MAPKAPK2: variants seen among roughly 807,000 people sequenced by gnomAD.
MAPKAPK2 encodes the protein MAPK activated protein kinase 2.
MAPKAPK2 carries 9 observed loss-of-function variants against 48.8 expected under a neutral mutation model. The observed-to-expected ratio is 0.18, with a 90% CI of 0.11 to 0.32. The LOEUF is 0.32. Among genes scored for constraint, MAPKAPK2 ranks in the 10% least tolerant of loss-of-function variants. MAPKAPK2 has a pLI of 1.00. For missense variants in MAPKAPK2, 331 were observed against 498.3 expected (o/e 0.66, Z 3.20); for synonymous variants, 202 against 190.6 (o/e 1.06, Z -0.49).
intron 1 of MAPKAPK2, among the ~76,000 whole-genome samples, chr1:206,687,848 A>G (rs1407268500): frequency 6.6e-6 from 1 of 152,306 alleles, no homozygotes; most frequent in Non-Finnish European, 1.5e-5. Flanking sequence ...CCTCTATTCT[A>G]CAGTGTGCCG....
intron 1 of MAPKAPK2, among the ~76,000 whole-genome samples, chr1:206,686,172 C>G (rs1672283211): frequency 6.6e-6 from 1 of 152,088 alleles, no homozygotes; most frequent in Non-Finnish European, 1.5e-5. Flanking sequence ...CACGCCCGCG[C>G]GGGGCGGCTC....
chr1:206,701,702 C>T (rs190811621), intron 1 of MAPKAPK2, among the ~76,000 whole-genome samples: 208 of 151,680 alleles, frequency 1.4e-3, no homozygotes, highest in Non-Finnish European at 2.4e-3. Flanking sequence ...GGCGTGGTGG[C>T]GTACACACAT....
At chr1:206,711,886 G>A (rs1293840086) in intron 1 of MAPKAPK2, among the ~76,000 whole-genome samples, 3 of 152,182 alleles carry the variant, frequency 2.0e-5, no homozygotes, top group African/African-American at 7.2e-5. Flanking sequence ...GCCTCTCAAA[G>A]TGCTGGGATT....
At chr1:206,707,387 A>C (rs1405326348) in intron 1 of MAPKAPK2, among the ~76,000 whole-genome samples, 1 of 151,790 alleles carries the variant, frequency 6.6e-6, no homozygotes, top group Non-Finnish European at 1.5e-5. Context: ...AGAAACATAC[A>C]TCTCTCCCTC....
intron 3 of MAPKAPK2, 87 bp from the exon 4 acceptor site, chr1:206,729,309 A>T (rs1673819147): frequency 8.3e-7 from 1 of 1,206,396 alleles, no homozygotes; most frequent in Non-Finnish European, 1.2e-6. Context: ...GGCTGCACAG[A>T]GGTGGGACCC....
At chr1:206,705,115 C>T (rs944331469) in intron 1 of MAPKAPK2, among the ~76,000 whole-genome samples, 6 of 152,156 alleles carry the variant, frequency 3.9e-5, no homozygotes, top group African/African-American at 4.8e-5. Context: ...GCAACAGCCC[C>T]CCTTCTCTGG....
chr1:206,726,099 T>C (rs761623960), intron 1 of MAPKAPK2, among the ~76,000 whole-genome samples: 1 of 152,214 alleles, frequency 6.6e-6, no homozygotes, highest in Non-Finnish European at 1.5e-5. Context: ...ATGAATGAAG[T>C]TGAAGGCTGG....
At chr1:206,728,684 T>C in intron 1 of MAPKAPK2, 26 bp from the exon 2 acceptor site, 1 of 1,608,380 alleles carries the variant, frequency 6.2e-7, no homozygotes, top group Non-Finnish European at 8.5e-7. Flanking sequence ...ACAGCGCAGT[T>C]ACTCAGAAAG....
chr1:206,723,868 C>T (rs1461850083), intron 1 of MAPKAPK2, among the ~76,000 whole-genome samples: 3 of 152,262 alleles, frequency 2.0e-5, no homozygotes, highest in Non-Finnish European at 4.4e-5. Context: ...CCAGGCAATG[C>T]GCTCTGTGGC....
In MAPKAPK2 at chr1:206,703,395, A is replaced by G. The variant is rs140596775; in HGVS notation, c.279+17887A>G. On this transcript the variant is annotated intron_variant, in intron 1 of 9. Coordinates refer to ENST00000367103, the MANE Select transcript of MAPKAPK2 (RefSeq NM_032960.4). ...GCCTTGAGAAGAGTTCAGGGGAAAG[A>G]GGCCTGGGTGGCGTATTGGCAGGAG... is the stretch of plus-strand genomic sequence containing the variant. 1.4e-4 allele frequency among the ~76,000 whole-genome samples: 22 copies of G among 152,352 alleles called. 1 individual carries two copies. In the East Asian group the frequency reaches 4.2e-3, roughly 29 times the overall value.
chr1:206,692,326 AT>A (rs1321805093), intron 1 of MAPKAPK2, among the ~76,000 whole-genome samples: 2 of 152,188 alleles, frequency 1.3e-5, no homozygotes, highest in East Asian at 3.8e-4. Flanking sequence ...GGAAATTAGG[AT>A]TTACATTCAG....
chr1:206,720,051 C>A (rs530902069), intron 1 of MAPKAPK2, among the ~76,000 whole-genome samples: 2 of 152,268 alleles, frequency 1.3e-5, no homozygotes, highest in African/African-American at 4.8e-5. Context: ...GTGATCCATT[C>A]TGTTAGGATG....
intron 1 of MAPKAPK2, among the ~76,000 whole-genome samples, chr1:206,696,519 A>G (rs1672629440): frequency 2.0e-5 from 3 of 152,168 alleles, no homozygotes. Context: ...CCTGGGCAAC[A>G]TAACAAGACC....
Position 206,685,417 on chromosome 1 carries a change from A to G in MAPKAPK2, c.188A>G (p.Tyr63Cys). The G allele has an allele frequency of 1.3e-6, 2 of 1,545,780 alleles. No individual in the cohort carries two copies. Among genetic ancestry groups the G allele is most frequent in the Non-Finnish European group, 1.8e-6 (2 of 1,141,330 alleles). The change falls in exon 1 of 10, where the codon TAC becomes TGC. Residue 63 changes from tyrosine to cysteine, a missense_variant. Physicochemically the swap from Tyr to Cys is radical, Grantham distance 194. This residue lies in a region of MAPKAPK2 where 93 missense variants were observed against 81.0 expected (regional missense o/e 1.15). Coordinates refer to ENST00000367103, the MANE Select transcript of MAPKAPK2 (RefSeq NM_032960.4). ...QIKKNAIIDD[Y>C]KVTSQVLGLG... ...AAGAAGAACGCCATCATCGATGACT[A>G]CAAGGTCACCAGCCAGGTCCTGGGG... is the stretch of plus-strand genomic sequence containing the variant.
chr1:206,721,297 C>T (rs1327184859), intron 1 of MAPKAPK2, among the ~76,000 whole-genome samples: 1 of 152,172 alleles, frequency 6.6e-6, no homozygotes, highest in Non-Finnish European at 1.5e-5. Flanking sequence ...CAAGCTTGTA[C>T]CAGCTGCAGA....
At chr1:206,693,785 G>C (rs1363839481) in intron 1 of MAPKAPK2, among the ~76,000 whole-genome samples, 1 of 152,158 alleles carries the variant, frequency 6.6e-6, no homozygotes, top group African/African-American at 2.4e-5. Flanking sequence ...CTCCACCTCC[G>C]CAGTGTGAGG....
chr1:206,721,225 C>G (rs1215423398), intron 1 of MAPKAPK2, among the ~76,000 whole-genome samples: 6 of 152,164 alleles, frequency 3.9e-5, no homozygotes, highest in African/African-American at 1.4e-4. Context: ...TCCCTGCTCC[C>G]CCTTCACCTT....
rs1553425270 is a variant in MAPKAPK2 at position 206,685,160 on chromosome 1, A to G, written c.-70A>G. 3.5e-5 allele frequency: 7 copies of G among 200,674 alleles called. No homozygotes were observed. Among genetic ancestry groups the G allele is most frequent in the South Asian group, 1.7e-4 (1 of 5,922 alleles). 12.4% of individuals were successfully genotyped at this position (200,674 alleles called of 1,614,324 possible). A position where few individuals can be genotyped will look rare whatever the true frequency, so the allele number is the denominator to read the frequency against. Reference sequence around the variant, plus strand: ...CGCAGCCCGTCGGGGGGCGGCGGGGAGGGGGCCCGGAGCCGGAGGAGGGGG... The same window carrying G: ...CGCAGCCCGTCGGGGGGCGGCGGGGGGGGGGCCCGGAGCCGGAGGAGGGGG... On this transcript the variant is annotated 5_prime_UTR_variant, in exon 1 of 10. Transcript: ENST00000367103.
At chr1:206,727,766 C>T (rs957183022) in intron 1 of MAPKAPK2, among the ~76,000 whole-genome samples, 4 of 152,114 alleles carry the variant, frequency 2.6e-5, no homozygotes, top group Admixed American at 6.6e-5. Flanking sequence ...GGGCTACAGT[C>T]GCCTGCCACC....
Sources: allele counts gnomAD v4.1 joint callset (sites outside exome capture counted in the v4.1 genomes callset), GRCh38; gene constraint gnomAD v4.1.1; regional missense constraint gnomAD v4.1.1; transcripts MANE v1.5; gene names NCBI Gene and HGNC (gene_info 2026-07-23, HGNC 2026-07-21).